TMEM135: variants seen among roughly 807,000 people sequenced by gnomAD.
The protein encoded by TMEM135 is transmembrane protein 135.
In TMEM135, 30 loss-of-function variants were observed where a neutral mutation model predicts 60.3. The observed-to-expected ratio is 0.50, with a 90% CI of 0.37 to 0.68. TMEM135 has a LOEUF of 0.68. Among genes scored for constraint, TMEM135 ranks in the 30% least tolerant of loss-of-function variants. The pLI is 0.00. For synonymous variants in TMEM135, 190 were observed against 186.7 expected (o/e 1.02, Z -0.14); for missense variants, 468 against 548.8 (o/e 0.85, Z 1.47).
At chr11:87,134,604 C>T (rs145983539) in intron 4 of TMEM135, among the ~76,000 whole-genome samples, 2 of 152,184 alleles carry the variant, frequency 1.3e-5, no homozygotes, top group African/African-American at 4.8e-5. Flanking sequence ...ACCTCAGACT[C>T]CTGAGTAGCT....
chr11:87,230,540 TGTTTCTAC>T (rs1271546581), intron 5 of TMEM135, among the ~76,000 whole-genome samples: 1 of 152,182 alleles, frequency 6.6e-6, no homozygotes, highest in Non-Finnish European at 1.5e-5. Context: ...AGTATTATAT[TGTTTCTAC>T]AAGTGAACAA....
chr11:87,130,906 T>C (rs1038850290), intron 4 of TMEM135, among the ~76,000 whole-genome samples: 1 of 151,974 alleles, frequency 6.6e-6, no homozygotes, highest in Non-Finnish European at 1.5e-5. Flanking sequence ...AGGTGCTAAT[T>C]CTAATTTATG....
chr11:87,183,698 G>A (rs1207280647), intron 5 of TMEM135, among the ~76,000 whole-genome samples: 1 of 151,922 alleles, frequency 6.6e-6, no homozygotes, highest in Non-Finnish European at 1.5e-5. Flanking sequence ...GCTCACGCCT[G>A]TAATCCCAGC....
chr11:87,061,911 C>G (rs1949950711), intron 1 of TMEM135, among the ~76,000 whole-genome samples: 1 of 152,176 alleles, frequency 6.6e-6, no homozygotes, highest in Non-Finnish European at 1.5e-5. Context: ...TCAGGTTGGT[C>G]TCCATACTTG....
At chr11:87,120,066 G>T (rs1440429671) in intron 4 of TMEM135, among the ~76,000 whole-genome samples, 1 of 151,170 alleles carries the variant, frequency 6.6e-6, no homozygotes, top group Admixed American at 6.6e-5. Flanking sequence ...GTGGGAAAAG[G>T]GTTTCATGTT....
At chr11:87,271,139 T>C (rs1941854043) in intron 6 of TMEM135, among the ~76,000 whole-genome samples, 1 of 152,202 alleles carries the variant, frequency 6.6e-6, no homozygotes, top group African/African-American at 2.4e-5. Context: ...ATTGCTGCCT[T>C]CTTGACTATA....
rs751048319 is a variant in TMEM135, at chr11:87,157,327, T to G, written c.397-14T>G. On this transcript the variant is annotated splice_polypyrimidine_tract_variant and intron_variant, in intron 4 of 14. Coordinates refer to ENST00000305494, the MANE Select transcript of TMEM135 (RefSeq NM_022918.4). ...GATCATATATTTTTGCTGTTTTTTT[T>G]TTTTAATTTACAGGCCACAGAAACA... 1 of 1,612,138 alleles carries G rather than the reference T, an allele frequency of 6.2e-7. No homozygotes were observed. The highest frequency in any genetic ancestry group is 1.1e-5 in the South Asian group (1 of 90,900).
At chr11:87,255,662 A>G (rs1941513568) in intron 6 of TMEM135, among the ~76,000 whole-genome samples, 1 of 152,172 alleles carries the variant, frequency 6.6e-6, no homozygotes. Context: ...GAAAGAAAAA[A>G]AAAAAAGTAT....
intron 3 of TMEM135, among the ~76,000 whole-genome samples, chr11:87,075,248 T>A (rs1423250190): frequency 6.6e-6 from 1 of 151,686 alleles, no homozygotes; most frequent in Non-Finnish European, 1.5e-5. Context: ...AAGCTCCGCC[T>A]CCCGGGTTCA....
At chr11:87,090,560 G>A (rs56859417) in intron 3 of TMEM135, among the ~76,000 whole-genome samples, 14,504 of 152,002 alleles carry the variant, frequency 0.095, 723 homozygotes, top group African/African-American at 0.11. Context: ...GTTCATAAAG[G>A]AAACTAAAAT....
chr11:87,182,287 C>CA (rs1442601154), intron 5 of TMEM135, among the ~76,000 whole-genome samples: 2 of 152,042 alleles, frequency 1.3e-5, no homozygotes, highest in African/African-American at 4.8e-5. Context: ...GAAAAAGGAA[C>CA]AAAAGCTCTC....
At chr11:87,210,968 A>G (rs928105766) in intron 5 of TMEM135, among the ~76,000 whole-genome samples, 1 of 152,228 alleles carries the variant, frequency 6.6e-6, no homozygotes, top group African/African-American at 2.4e-5. Flanking sequence ...AAAAACCTCA[A>G]CAAATTAGGC....
chr11:87,218,018 C>T (rs999859523), intron 5 of TMEM135, among the ~76,000 whole-genome samples: 1 of 152,058 alleles, frequency 6.6e-6, no homozygotes, highest in Non-Finnish European at 1.5e-5. Context: ...GTAATTCCAA[C>T]TGGGGGCAAT....
chr11:87,310,668 G>A (rs1391429336), intron 10 of TMEM135, among the ~76,000 whole-genome samples: 4 of 151,444 alleles, frequency 2.6e-5, no homozygotes, highest in African/African-American at 7.3e-5. Context: ...ACACACAGAG[G>A]AATGACCATG....
intron 4 of TMEM135, among the ~76,000 whole-genome samples, chr11:87,102,724 ATATG>A (rs142821521): frequency 1.1e-5 from 1 of 94,774 alleles, no homozygotes; most frequent in Admixed American, 1.2e-4. Context: ...GTATATATAT[ATATG>A]TATATATATA....
chr11:87,143,493 T>A (rs1378742623), intron 4 of TMEM135, among the ~76,000 whole-genome samples: 1 of 152,122 alleles, frequency 6.6e-6, no homozygotes, highest in African/African-American at 2.4e-5. Flanking sequence ...CCTCCAACCT[T>A]AAGTTCTGCC....
intron 6 of TMEM135, among the ~76,000 whole-genome samples, chr11:87,274,175 G>T (rs1165158072): frequency 6.6e-6 from 1 of 152,050 alleles, no homozygotes; most frequent in Admixed American, 6.6e-5. Context: ...AAACTTTCAG[G>T]TCTGAAGGCT....
At chr11:87,066,598 CAAAAAAA>C (rs34204350) in intron 1 of TMEM135, among the ~76,000 whole-genome samples, 3 of 121,278 alleles carry the variant, frequency 2.5e-5, no homozygotes, top group Non-Finnish European at 3.6e-5. Flanking sequence ...CAGAGTTCAC[CAAAAAAA>C]AAAAAAAAAA....
chr11:87,270,663 A>G (rs537220743), intron 6 of TMEM135, among the ~76,000 whole-genome samples: 1 of 152,310 alleles, frequency 6.6e-6, no homozygotes, highest in African/African-American at 2.4e-5. Context: ...GAAACTAAGT[A>G]AGACTTTTTG....
Sources: gnomAD v4.1 joint callset for allele counts (sites outside exome capture counted in the v4.1 genomes callset) on GRCh38, gnomAD v4.1.1 for gene constraint, MANE v1.5 for transcripts, NCBI Gene and HGNC (gene_info 2026-07-23, HGNC 2026-07-21) for gene names.